Variants in TSHZ2 observed in about 807,000 individuals in gnomAD.
The protein encoded by TSHZ2 is teashirt zinc finger homeobox 2, also known as teashirt homolog 2.
TSHZ2 carries 21 observed loss-of-function variants against 74.4 expected under a neutral mutation model. That is an observed-to-expected ratio of 0.28 (90% confidence interval 0.20 to 0.41). TSHZ2 has a LOEUF of 0.41. Among genes scored for constraint, TSHZ2 ranks in the 10% least tolerant of loss-of-function variants. The pLI, the probability that TSHZ2 is intolerant of heterozygous loss-of-function variation, is 1.00. For synonymous variants in TSHZ2, 540 were observed against 515.3 expected, an observed-to-expected ratio of 1.05 and a Z score of -0.65; for missense variants, 1,244 against 1,293.5, an observed-to-expected ratio of 0.96 and a Z score of 0.59.
chr20:53,085,688 C>T (rs1185005723), intron 1 of TSHZ2, among the ~76,000 whole-genome samples: 1 of 152,156 alleles, frequency 6.6e-6, no homozygotes, highest in Non-Finnish European at 1.5e-5. Context: ...AGGACTTTCC[C>T]CAGGATAAAT....
At chr20:53,105,334 G>T (rs922880740) in intron 1 of TSHZ2, among the ~76,000 whole-genome samples, 1 of 152,170 alleles carries the variant, frequency 6.6e-6, no homozygotes, top group Non-Finnish European at 1.5e-5. Context: ...TTCTGAGAGG[G>T]GCTGTCCTGT....
chr20:53,219,884 T>G (rs1417895888), intron 1 of TSHZ2, among the ~76,000 whole-genome samples: 2 of 152,208 alleles, frequency 1.3e-5, no homozygotes, highest in Non-Finnish European at 2.9e-5. Context: ...GATCCACATT[T>G]GGTTCAAATT....
chr20:53,064,243 A>C (rs1984907138), intron 1 of TSHZ2, among the ~76,000 whole-genome samples: 1 of 152,170 alleles, frequency 6.6e-6, no homozygotes, highest in Non-Finnish European at 1.5e-5. Flanking sequence ...GGTTTAGAAG[A>C]CCAAATGGTA....
At chr20:53,224,892 T>C (rs1989648140) in intron 1 of TSHZ2, among the ~76,000 whole-genome samples, 1 of 151,794 alleles carries the variant, frequency 6.6e-6, no homozygotes, top group Non-Finnish European at 1.5e-5. Flanking sequence ...ATGGTTGTTA[T>C]CATTGGGTTA....
chr20:53,314,915 C>G (rs926497097), intron 2 of TSHZ2, among the ~76,000 whole-genome samples: 50 of 152,350 alleles, frequency 3.3e-4, no homozygotes, highest in Admixed American at 2.5e-3. Context: ...AGCCACCACA[C>G]CCGGCCTAGT....
rs78545093 is a variant in TSHZ2, at chr20:53,352,373, C to T, written c.*8+95802C>T. Among the ~76,000 whole-genome samples, 1,263 of 151,148 alleles carry T rather than the reference C, an allele frequency of 8.4e-3. 4 individuals carry two copies. The highest frequency in any genetic ancestry group is 0.012 in the Non-Finnish European group (821 of 67,904). The stretch of plus-strand genomic sequence containing the variant: ...AGGCTGTGCACTATTCTTACAGGGT[C>T]CAATGAGGAAATAGTCTTATAAACT... On this transcript the variant is annotated intron_variant, in intron 2 of 2. Coordinates refer to ENST00000371497, the MANE Select transcript of TSHZ2 (RefSeq NM_173485.6).
chr20:53,330,125 G>A (rs1979666787), intron 2 of TSHZ2, among the ~76,000 whole-genome samples: 2 of 152,144 alleles, frequency 1.3e-5, no homozygotes, highest in Non-Finnish European at 2.9e-5. Flanking sequence ...GAATAAGTTT[G>A]CCAGCTCCTG....
Position 53,167,536 on chromosome 20 carries a change from G to A in TSHZ2, c.41-85963G>A, listed in dbSNP as rs140430333. On this transcript the variant is annotated intron_variant, in intron 1 of 2. Transcript: ENST00000371497. ...TTTGTGTCAGGGTGGAGAATGGTAG[G>A]GAGTAATGTTTTGTTTGTTTGCTTG... Among the ~76,000 whole-genome samples, 24 of 152,184 alleles carry A rather than the reference G, an allele frequency of 1.6e-4. No individual in the cohort carries two copies. In the East Asian group the frequency reaches 4.4e-3, roughly 28 times the overall value.
intron 2 of TSHZ2, among the ~76,000 whole-genome samples, chr20:53,351,789 A>G (rs200627): frequency 0.61 from 92,680 of 152,048 alleles, 29,698 homozygotes; most frequent in African/African-American, 0.79. Context: ...TAGCAAAAAC[A>G]GACATCTTCC....
intron 1 of TSHZ2, among the ~76,000 whole-genome samples, chr20:53,184,029 C>T (rs1988543154): frequency 6.6e-6 from 1 of 152,204 alleles, no homozygotes; most frequent in African/African-American, 2.4e-5. Flanking sequence ...AATGCCAAGG[C>T]CAACAGTCAG....
intron 2 of TSHZ2, among the ~76,000 whole-genome samples, chr20:53,304,009 C>T (rs1978413726): frequency 6.6e-6 from 1 of 152,046 alleles, no homozygotes; most frequent in African/African-American, 2.4e-5. Context: ...CCCCAACCTT[C>T]ACACATCATT....
chr20:52,995,045 G>A (rs1006922922), intron 1 of TSHZ2, among the ~76,000 whole-genome samples: 1 of 152,158 alleles, frequency 6.6e-6, no homozygotes, highest in African/African-American at 2.4e-5. Flanking sequence ...TGAAGCTCAG[G>A]TGTGTTTCAC....
chr20:53,215,976 C>T (rs1989426408), intron 1 of TSHZ2, among the ~76,000 whole-genome samples: 1 of 151,992 alleles, frequency 6.6e-6, no homozygotes, highest in Non-Finnish European at 1.5e-5. Flanking sequence ...TGCCCTTTTT[C>T]CCCTAAGGCC....
chr20:53,205,279 C>T (rs994618526), intron 1 of TSHZ2, among the ~76,000 whole-genome samples: 5 of 152,092 alleles, frequency 3.3e-5, no homozygotes, highest in African/African-American at 1.2e-4. Context: ...CCAACATGCG[C>T]CTAAGCTTAA....
At chr20:53,164,397 AAG>A (rs1464217023) in intron 1 of TSHZ2, among the ~76,000 whole-genome samples, 2 of 150,554 alleles carry the variant, frequency 1.3e-5, no homozygotes, top group South Asian at 4.2e-4. Flanking sequence ...TATTAAAAGA[AAG>A]AGATCATTTT....
At chr20:53,016,128 C>T (rs144819398) in intron 1 of TSHZ2, among the ~76,000 whole-genome samples, 325 of 152,116 alleles carry the variant, frequency 2.1e-3, no homozygotes, top group Middle Eastern at 0.014. Flanking sequence ...GAAAATCATC[C>T]GTTTATTATC....
intron 2 of TSHZ2, among the ~76,000 whole-genome samples, chr20:53,420,905 G>T (rs1983445893): frequency 6.6e-6 from 1 of 152,194 alleles, no homozygotes; most frequent in South Asian, 2.1e-4. Flanking sequence ...GTCTTGCTCA[G>T]CTCAGGCTCA....
At chr20:53,094,847 C>G (rs1166684206) in intron 1 of TSHZ2, among the ~76,000 whole-genome samples, 1 of 152,160 alleles carries the variant, frequency 6.6e-6, no homozygotes, top group African/African-American at 2.4e-5. Context: ...TTAGATGGCC[C>G]TTTGTAAAGA....
At chr20:53,157,497 C>A (rs1296935396) in intron 1 of TSHZ2, among the ~76,000 whole-genome samples, 4 of 150,538 alleles carry the variant, frequency 2.7e-5, no homozygotes, top group African/African-American at 9.8e-5. Context: ...GTCTGAAACT[C>A]CTGGGCTCAA....
Sources: gnomAD v4.1 joint callset for allele counts (sites outside exome capture counted in the v4.1 genomes callset) on GRCh38, gnomAD v4.1.1 for gene constraint, MANE v1.5 for transcripts, NCBI Gene and HGNC (gene_info 2026-07-23, HGNC 2026-07-21) for gene names.